The following ALDH5A1 variants were observed in gnomAD, a reference collection of about 807,000 sequenced individuals.
ALDH5A1 encodes the protein succinate-semialdehyde dehydrogenase, mitochondrial.
Under a neutral mutation model 54.7 loss-of-function variants are expected in ALDH5A1, and 33 were observed. The observed-to-expected ratio is 0.60, with a 90% CI of 0.46 to 0.81. ALDH5A1 has a LOEUF of 0.81. Ranked by LOEUF, ALDH5A1 falls within the 30% of genes least tolerant of loss-of-function variation. The pLI is 0.00. For missense variants in ALDH5A1, 657 were observed against 711.0 expected, an observed-to-expected ratio of 0.92 and a Z score of 0.86; for synonymous variants, 294 against 292.7, an observed-to-expected ratio of 1.00 and a Z score of -0.05.
intron 1 of ALDH5A1, among the ~76,000 whole-genome samples, chr6:24,499,697 C>T (rs1425174160): frequency 1.5e-5 from 2 of 136,428 alleles, no homozygotes; most frequent in African/African-American, 2.9e-5. Context: ...GACGGAGTCT[C>T]GCTCTGTCAC....
chr6:24,499,673 T>C (rs532572976), intron 1 of ALDH5A1, among the ~76,000 whole-genome samples: 6 of 149,514 alleles, frequency 4.0e-5, no homozygotes, highest in East Asian at 2.0e-4. Context: ...CTTTTCTTTT[T>C]TTTTTTTTTT....
intron 1 of ALDH5A1, among the ~76,000 whole-genome samples, chr6:24,501,893 A>G (rs3032263): frequency 0.32 from 39,772 of 124,646 alleles, 5,663 homozygotes; most frequent in African/African-American, 0.4. Context: ...ATATATATAT[A>G]TATGTGTGTG....
In ALDH5A1 at chr6:24,508,677, T is replaced by A. The variant is rs551966087; in HGVS notation, c.726+3692T>A. ...ATCAAATGGTAGTTCTACTTTTAGT[T>A]CTCTAAGGAATCTCCACACTGTTTT... On this transcript the variant is annotated intron_variant, in intron 4 of 9. Coordinates refer to ENST00000357578, the MANE Select transcript of ALDH5A1 (RefSeq NM_001080.3). 8.5e-5 allele frequency among the ~76,000 whole-genome samples: 13 copies of A among 152,332 alleles called. No individual in the cohort carries two copies. The East Asian group carries it at 2.1e-3, about 25-fold the overall frequency.
Position 24,509,811 on chromosome 6 carries a change from C to T in ALDH5A1, c.726+4826C>T, listed in dbSNP as rs1467148628. ...TTTATTTCTATTTCATTTAGTTCTG[C>T]TCTGATCTTGGTTATTTCCTTTCTT... On this transcript the variant is annotated intron_variant, in intron 4 of 9. Coordinates refer to ENST00000357578, the MANE Select transcript of ALDH5A1 (RefSeq NM_001080.3). This position sits in a 1 kb window ranked among gnomAD's most constrained non-coding sequence, Gnocchi z 4.7. 6.6e-6 allele frequency among the ~76,000 whole-genome samples: 1 copy of T among 151,984 alleles called. No homozygotes were observed. The highest frequency in any genetic ancestry group is 6.6e-5 in the Admixed American group (1 of 15,246).
chr6:24,527,737 A>C (rs1759846393), intron 7 of ALDH5A1, among the ~76,000 whole-genome samples: 1 of 152,202 alleles, frequency 6.6e-6, no homozygotes, highest in Non-Finnish European at 1.5e-5. Context: ...CCTAGAAAGA[A>C]GCGAATATAT....
chr6:24,497,876 T>C (rs1344023139), intron 1 of ALDH5A1, among the ~76,000 whole-genome samples: 1 of 152,176 alleles, frequency 6.6e-6, no homozygotes, highest in African/African-American at 2.4e-5. Context: ...GAAAGGCCAC[T>C]CTAACCACAG....
chr6:24,504,739 C>T, intron 3 of ALDH5A1, 130 bp from the exon 4 acceptor site: 1 of 907,490 alleles, frequency 1.1e-6, no homozygotes, highest in Non-Finnish European at 1.9e-6. Context: ...GAGAGCTCAC[C>T]TGTGCAGCCA....
Position 24,518,775 on chromosome 6 carries a change from C to T in ALDH5A1, c.871-1626C>T, listed in dbSNP as rs747574685. On this transcript the variant is annotated intron_variant, in intron 5 of 9. Transcript: ENST00000357578. This position sits in a 1 kb window ranked among gnomAD's most constrained non-coding sequence, Gnocchi z 4.2. Reference sequence around the variant, plus strand: ...GCCATTCTGTGTTTTTACCAAGAACCGTGTCACAAAACTCATGACCTCAGA... The same window carrying T: ...GCCATTCTGTGTTTTTACCAAGAACTGTGTCACAAAACTCATGACCTCAGA... Among the ~76,000 whole-genome samples the T allele has an allele frequency of 1.4e-4, 21 of 152,218 alleles. No homozygotes were observed. Among genetic ancestry groups the T allele is most frequent in the Non-Finnish European group, 3.1e-4 (21 of 68,006 alleles).
intron 2 of ALDH5A1, 147 bp downstream of exon 2, chr6:24,502,753 A>C: frequency 1.4e-6 from 1 of 713,466 alleles, no homozygotes; most frequent in Non-Finnish European, 2.5e-6. Context: ...CCAAATCATT[A>C]TTGTGCCAGG....
At chr6:24,532,491 A>G (rs1297092033) in intron 9 of ALDH5A1, among the ~76,000 whole-genome samples, 1 of 152,212 alleles carries the variant, frequency 6.6e-6, no homozygotes, top group African/African-American at 2.4e-5. Flanking sequence ...TAATCCCCAG[A>G]AATTCCAAAT....
chr6:24,495,109 C>A lies in ALDH5A1; in HGVS notation c.113C>A (p.Ala38Glu). The A allele has an allele frequency of 7.6e-7, 1 of 1,313,210 alleles. No individual in the cohort carries two copies. The highest frequency in any genetic ancestry group is 9.6e-7 in the Non-Finnish European group (1 of 1,039,374). 81.3% of individuals were successfully genotyped at this position (1,313,210 alleles called of 1,614,324 possible). A position where few individuals can be genotyped will look rare whatever the true frequency, so the allele number is the denominator to read the frequency against. ...GGCCTGGTCCCTGCCTCCGGGCCTG[C>A]GCCCGGCCCGGCCCAGCTCCGCTGC... The part of the protein sequence containing the change: ...AGGLVPASGP[A>E]PGPAQLRCYA... The change falls in exon 1 of 10, where the codon GCG (alanine) becomes GAG (glutamate). Residue 38 changes from alanine (A) to glutamate (E), a missense_variant. By Grantham distance (107) the Ala-to-Glu change is moderately radical. Coordinates refer to ENST00000357578, the MANE Select transcript of ALDH5A1 (RefSeq NM_001080.3).
intron 5 of ALDH5A1, among the ~76,000 whole-genome samples, 174 bp from the exon 6 acceptor site, chr6:24,520,227 A>G (rs1268996494): frequency 6.6e-6 from 1 of 152,168 alleles, no homozygotes; most frequent in African/African-American, 2.4e-5. Context: ...TCTTTATCAA[A>G]TACAAGCAAA....
chr6:24,516,412 G>T (rs1759573459), intron 5 of ALDH5A1, among the ~76,000 whole-genome samples: 1 of 131,176 alleles, frequency 7.6e-6, no homozygotes, highest in Admixed American at 8.5e-5. Flanking sequence ...CTGCACTCCA[G>T]CCTGGGCGAC....
intron 7 of ALDH5A1, 37 bp downstream of exon 7, chr6:24,522,962 T>C (rs1759731693): frequency 5.1e-6 from 8 of 1,576,894 alleles, no homozygotes; most frequent in Non-Finnish European, 6.9e-6. Flanking sequence ...GTAAATTTCA[T>C]GGTTTCAATA....
chr6:24,495,164 G>T lies in ALDH5A1; in HGVS notation c.168G>T (p.Ala56=). 1 of 1,464,220 alleles carries T rather than the reference G, an allele frequency of 6.8e-7. No individual in the cohort carries two copies. The highest frequency in any genetic ancestry group is 1.3e-5 in the South Asian group (1 of 75,804). The allele number at this position is 1,464,220 out of a possible 1,614,324, so 90.7% of individuals were successfully genotyped here. ...CTGGGCGCCTGGCGGGCCTCTCTGCGGCGCTGCTGCGCACCGACAGCTTCG... is the reference window on the plus strand; with the variant it reads ...CTGGGCGCCTGGCGGGCCTCTCTGCTGCGCTGCTGCGCACCGACAGCTTCG... The part of the protein sequence containing the change: ...CYAGRLAGLS[A]ALLRTDSFVG... The change falls in exon 1 of 10, where the codon GCG becomes GCT. Residue 56 remains alanine, a synonymous_variant. Coordinates refer to ENST00000357578, the MANE Select transcript of ALDH5A1 (RefSeq NM_001080.3).
chr6:24,497,976 C>G (rs1245977306), intron 1 of ALDH5A1, among the ~76,000 whole-genome samples: 1 of 151,902 alleles, frequency 6.6e-6, no homozygotes, highest in Non-Finnish European at 1.5e-5. Context: ...GTGGCTTGAA[C>G]CAGGGTGGTA....
At chr6:24,521,857 ATTTTTTTTTTT>A (rs71542679) in intron 6 of ALDH5A1, among the ~76,000 whole-genome samples, 1 of 98,214 alleles carries the variant, frequency 1.0e-5, no homozygotes, top group African/African-American at 4.6e-5. Flanking sequence ...TGTCTCTACA[ATTTTTTTTTTT>A]TTTTTTTTTT....
At chr6:24,521,676 T>C (rs2322458) in intron 6 of ALDH5A1, among the ~76,000 whole-genome samples, 33,911 of 151,906 alleles carry the variant, frequency 0.22, 4,010 homozygotes, top group Non-Finnish European at 0.26. Context: ...TATATTTTCC[T>C]TCATAAATAC....
intron 8 of ALDH5A1, among the ~76,000 whole-genome samples, chr6:24,529,724 T>C (rs1398184633): frequency 8.4e-6 from 1 of 118,812 alleles, no homozygotes; most frequent in African/African-American, 2.9e-5. Context: ...CAAGCTGGAG[T>C]GCAGTGTTGC....
Sources: gnomAD v4.1 joint callset for allele counts (sites outside exome capture counted in the v4.1 genomes callset) on GRCh38, gnomAD v4.1.1 for gene constraint, Gnocchi (gnomAD v3.1) non-coding constraint, MANE v1.5 for transcripts, NCBI Gene and HGNC (gene_info 2026-07-23, HGNC 2026-07-21) for gene names.